RPIA: variants seen among roughly 807,000 people sequenced by gnomAD.
RPIA encodes the protein ribose-5-phosphate isomerase.
Under a neutral mutation model 37.8 loss-of-function variants are expected in RPIA, and 29 were observed. The ratio of observed to expected loss-of-function variants is 0.77; its 90% CI spans 0.57 to 1.05. The LOEUF (loss-of-function observed/expected upper bound fraction) is 1.05. Ranked by LOEUF, RPIA falls within the 50% of genes least tolerant of loss-of-function variation. The pLI, the probability that RPIA is intolerant of heterozygous loss-of-function variation, is 0.00. For synonymous variants in RPIA, 167 were observed against 157.0 expected (o/e 1.06, Z -0.48); for missense variants, 385 against 413.6 (o/e 0.93, Z 0.60).
At chr2:88,697,340 T>G (rs1672761800) in intron 1 of RPIA, among the ~76,000 whole-genome samples, 1 of 152,264 alleles carries the variant, frequency 6.6e-6, no homozygotes, top group Non-Finnish European at 1.5e-5. Flanking sequence ...TGGCTTTATA[T>G]TAACATTTAT....
At chr2:88,712,682 ATC>A (rs997516197) in intron 3 of RPIA, among the ~76,000 whole-genome samples, 5 of 152,174 alleles carry the variant, frequency 3.3e-5, no homozygotes, top group South Asian at 2.1e-4. Context: ...AAGTGGTGAA[ATC>A]TGTTTTTTCC....
intron 1 of RPIA, among the ~76,000 whole-genome samples, chr2:88,693,872 T>A (rs777575470): frequency 1.3e-5 from 2 of 152,250 alleles, no homozygotes; most frequent in Non-Finnish European, 2.9e-5. Context: ...GGCCCAGCTC[T>A]GTCTGTTTCT....
Position 88,735,659 on chromosome 2 carries a change from T to C in RPIA, c.528-10T>C. 1 of 1,614,048 alleles carries C rather than the reference T, an allele frequency of 6.2e-7. No individual in the cohort carries two copies. The highest frequency in any genetic ancestry group is 8.5e-7 in the Non-Finnish European group (1 of 1,179,906). The stretch of plus-strand genomic sequence containing the variant: ...TCTTACTCCTGTGTTCCTTTGCTTC[T>C]TTCCTGCAGAGGCTGCCTGACCCAG... On this transcript the variant is annotated splice_polypyrimidine_tract_variant and intron_variant, in intron 5 of 8. Coordinates refer to ENST00000283646, the MANE Select transcript of RPIA (RefSeq NM_144563.3).
intron 8 of RPIA, among the ~76,000 whole-genome samples, chr2:88,743,977 T>C (rs1673411929): frequency 6.6e-6 from 1 of 152,186 alleles, no homozygotes; most frequent in Non-Finnish European, 1.5e-5. Context: ...GTTTCATTTA[T>C]CTTTTTTGTA....
intron 8 of RPIA, among the ~76,000 whole-genome samples, chr2:88,742,841 A>G (rs923536684): frequency 2.6e-5 from 4 of 152,096 alleles, no homozygotes; most frequent in Non-Finnish European, 4.4e-5. Context: ...TTGATTCTCT[A>G]CATGGTTGCT....
chr2:88,709,204 T>C (rs759060390), intron 3 of RPIA, among the ~76,000 whole-genome samples: 10 of 152,254 alleles, frequency 6.6e-5, no homozygotes, highest in South Asian at 6.2e-4. Context: ...TCTATCGCTA[T>C]GTAATTTGGA....
chr2:88,722,941 A>C (rs1673152304), intron 3 of RPIA, among the ~76,000 whole-genome samples: 1 of 152,240 alleles, frequency 6.6e-6, no homozygotes, highest in Non-Finnish European at 1.5e-5. Flanking sequence ...AAATGAAAGA[A>C]CATTTGTTTG....
In RPIA at chr2:88,717,432, C is replaced by G. The variant is rs998344727; in HGVS notation, c.403-11846C>G. 2.6e-5 allele frequency among the ~76,000 whole-genome samples: 4 copies of G among 151,904 alleles called. No homozygotes were observed. In the East Asian group the frequency reaches 5.8e-4, roughly 22 times the overall value. Reference sequence around the variant, plus strand: ...TTTGGTCTGGAAAGGCGGGACAACTCGAAGCAAAGGCGGGAAGACTTGAAG... The same window carrying G: ...TTTGGTCTGGAAAGGCGGGACAACTGGAAGCAAAGGCGGGAAGACTTGAAG... On this transcript the variant is annotated intron_variant, in intron 3 of 8. Coordinates refer to ENST00000283646, the MANE Select transcript of RPIA (RefSeq NM_144563.3).
At position 88,736,618 on chromosome 2, in the gene RPIA, G is replaced by A. The variant is rs1472624896; in HGVS notation, c.680G>A (p.Arg227Gln). ...VIPMAYVPVS[R>Q]AVSQKFGGVV... Reference sequence around the variant, plus strand: ...CCAATGGCCTATGTCCCAGTGAGCCGAGCTGTGAGCCAGAAGTTTGGGGGC... The same window carrying A: ...CCAATGGCCTATGTCCCAGTGAGCCAAGCTGTGAGCCAGAAGTTTGGGGGC... Residue 227 changes from arginine (R) to glutamine (Q), a missense_variant, in exon 7 of 9, where the codon CGA (arginine) becomes CAA (glutamine). Arg to Gln is a conservative substitution (Grantham distance 43). This residue lies in a region of RPIA where 153 missense variants were observed against 210.6 expected (regional missense o/e 0.73). Transcript: ENST00000283646. 1.2e-5 allele frequency: 19 copies of A among 1,613,972 alleles called. No individual in the cohort carries two copies. The highest frequency in any genetic ancestry group is 1.6e-4 in the Middle Eastern group (1 of 6,084).
At chr2:88,743,300 T>C (rs1236600253) in intron 8 of RPIA, among the ~76,000 whole-genome samples, 2 of 152,204 alleles carry the variant, frequency 1.3e-5, no homozygotes, top group African/African-American at 4.8e-5. Context: ...GATGATCGTA[T>C]GATTTTTGTT....
intron 3 of RPIA, among the ~76,000 whole-genome samples, chr2:88,721,564 CA>C (rs1673129682): frequency 1.7e-4 from 12 of 69,512 alleles, no homozygotes; most frequent in Admixed American, 5.0e-4. Flanking sequence ...CACACACACA[CA>C]CACACACCCC....
chr2:88,713,121 T>TATATATA (rs58120689), intron 3 of RPIA, among the ~76,000 whole-genome samples: 6 of 56,292 alleles, frequency 1.1e-4, no homozygotes, highest in African/African-American at 1.6e-4. Context: ...TATATATATA[T>TATATATA]TTTTTTTTTT....
intron 3 of RPIA, among the ~76,000 whole-genome samples, chr2:88,718,570 G>C (rs1357407119): frequency 6.6e-6 from 1 of 152,192 alleles, no homozygotes; most frequent in Non-Finnish European, 1.5e-5. Context: ...CAGGAATCCT[G>C]TACAGGGACT....
chr2:88,744,838 G>C (rs1224010937), intron 8 of RPIA, among the ~76,000 whole-genome samples: 3 of 152,166 alleles, frequency 2.0e-5, no homozygotes, highest in Non-Finnish European at 4.4e-5. Context: ...GTTTCTGTTT[G>C]TGTGGAGTAT....
intron 1 of RPIA, among the ~76,000 whole-genome samples, chr2:88,694,150 G>C (rs1349853288): frequency 6.6e-6 from 1 of 152,256 alleles, no homozygotes; most frequent in Non-Finnish European, 1.5e-5. Flanking sequence ...AGCAGGGCCT[G>C]CTTGGCAGTC....
At chr2:88,701,858 A>C (rs1309164564) in intron 3 of RPIA, among the ~76,000 whole-genome samples, 2 of 152,178 alleles carry the variant, frequency 1.3e-5, no homozygotes, top group African/African-American at 4.8e-5. Flanking sequence ...TTTTGGCTGG[A>C]GTTTTATTCT....
intron 8 of RPIA, among the ~76,000 whole-genome samples, chr2:88,747,101 A>T (rs1265170223): frequency 6.6e-6 from 1 of 152,142 alleles, no homozygotes; most frequent in Non-Finnish European, 1.5e-5. Flanking sequence ...TCTGAGTCAG[A>T]CTTTCCTTGG....
chr2:88,739,232 C>G (rs1451830286), intron 8 of RPIA, among the ~76,000 whole-genome samples: 2 of 152,300 alleles, frequency 1.3e-5, no homozygotes, highest in Non-Finnish European at 2.9e-5. Flanking sequence ...ATGGAGTATT[C>G]TTGGGCCAGA....
At chr2:88,740,501 G>A (rs1446126354) in intron 8 of RPIA, among the ~76,000 whole-genome samples, 2 of 152,188 alleles carry the variant, frequency 1.3e-5, no homozygotes, top group African/African-American at 4.8e-5. Flanking sequence ...TAGAAGTAGG[G>A]CGAGTTTCCC....
Sources: gnomAD v4.1 joint callset for allele counts (sites outside exome capture counted in the v4.1 genomes callset) on GRCh38, gnomAD v4.1.1 for gene constraint, gnomAD v4.1.1 regional missense constraint, MANE v1.5 for transcripts, NCBI Gene and HGNC (gene_info 2026-07-23, HGNC 2026-07-21) for gene names.